LUZP2: variants seen among roughly 807,000 people sequenced by gnomAD.
The protein encoded by LUZP2 is leucine zipper protein 2.
A neutral mutation model predicts 51.6 loss-of-function variants in LUZP2; 52 were observed. That is an observed-to-expected ratio of 1.01 (90% CI 0.81 to 1.27). LUZP2 has a LOEUF of 1.27. Ranked by LOEUF, LUZP2 falls within the 50% of genes most tolerant of loss-of-function variation. The probability of loss-of-function intolerance (pLI) is 0.00; values close to 1 mark genes in which losing one functional copy is unlikely to be tolerated. For missense variants in LUZP2, 436 were observed against 395.4 expected (o/e 1.10, Z -0.87); for synonymous variants, 154 against 137.3 (o/e 1.12, Z -0.85).
At chr11:24,587,245 CAG>C (rs1270670138) in intron 1 of LUZP2, among the ~76,000 whole-genome samples, 1 of 152,110 alleles carries the variant, frequency 6.6e-6, no homozygotes, top group Non-Finnish European at 1.5e-5. Flanking sequence ...TTCCCAGTAA[CAG>C]GACCCAGAAA....
intron 1 of LUZP2, among the ~76,000 whole-genome samples, chr11:24,633,681 T>C (rs1854968467): frequency 1.3e-5 from 2 of 151,956 alleles, no homozygotes; most frequent in African/African-American, 2.4e-5. Flanking sequence ...AAATATACAT[T>C]GTTAATGTTG....
At chr11:25,019,921 C>G (rs1302231264) in intron 9 of LUZP2, among the ~76,000 whole-genome samples, 1 of 148,506 alleles carries the variant, frequency 6.7e-6, no homozygotes, top group Non-Finnish European at 1.5e-5. Context: ...GATGTAGTGT[C>G]ATATACTTTA....
intron 1 of LUZP2, among the ~76,000 whole-genome samples, chr11:24,617,085 C>T (rs1326487080): frequency 6.6e-6 from 1 of 152,126 alleles, no homozygotes; most frequent in Non-Finnish European, 1.5e-5. Flanking sequence ...CTTGTTAAAA[C>T]AGAGGTAGTA....
chr11:24,630,826 A>C (rs532509659), intron 1 of LUZP2, among the ~76,000 whole-genome samples: 1 of 151,838 alleles, frequency 6.6e-6, no homozygotes, highest in Admixed American at 6.6e-5. Context: ...CTTCTGATCT[A>C]TGAGCATGGG....
intron 5 of LUZP2, among the ~76,000 whole-genome samples, chr11:24,791,271 A>G (rs137999789): frequency 6.6e-6 from 1 of 152,312 alleles, no homozygotes; most frequent in African/African-American, 2.4e-5. Context: ...ATTATTGTTA[A>G]TATTAGTTGA....
chr11:25,030,982 AATACAATATATAT>A (rs1565255109), intron 9 of LUZP2, among the ~76,000 whole-genome samples: 66 of 2,002 alleles, frequency 0.033, 9 homozygotes, highest in African/African-American at 0.053. Context: ...ATATATATAT[AATACAATATATAT>A]TATATATATA....
chr11:24,893,757 T>A (rs981430949), intron 5 of LUZP2, among the ~76,000 whole-genome samples: 3 of 121,220 alleles, frequency 2.5e-5, no homozygotes, highest in African/African-American at 9.5e-5. Flanking sequence ...CACAAACACA[T>A]GCACAAATAC....
intron 5 of LUZP2, among the ~76,000 whole-genome samples, chr11:24,801,873 A>G (rs1292929959): frequency 2.0e-5 from 3 of 150,788 alleles, no homozygotes; most frequent in South Asian, 2.1e-4. Flanking sequence ...AACAGTTATG[A>G]GCTTGTTCTG....
intron 5 of LUZP2, among the ~76,000 whole-genome samples, chr11:24,806,004 G>A (rs12363931): frequency 1.3e-5 from 2 of 152,198 alleles, no homozygotes; most frequent in Admixed American, 6.5e-5. Flanking sequence ...AAGAAATGTA[G>A]GAGCTAGATG....
chr11:24,588,373 G>A (rs1853144066), intron 1 of LUZP2, among the ~76,000 whole-genome samples: 1 of 152,064 alleles, frequency 6.6e-6, no homozygotes, highest in South Asian at 2.1e-4. Flanking sequence ...ACAATGCATG[G>A]GCTGAGTGGT....
intron 9 of LUZP2, among the ~76,000 whole-genome samples, chr11:25,013,996 G>C (rs577629773): frequency 2.0e-5 from 3 of 152,008 alleles, no homozygotes; most frequent in African/African-American, 7.2e-5. Flanking sequence ...GAGAACATGT[G>C]GTGTTTGGTT....
chr11:24,734,486 A>G (rs1158344102), intron 3 of LUZP2, among the ~76,000 whole-genome samples: 2 of 151,886 alleles, frequency 1.3e-5, no homozygotes, highest in African/African-American at 4.8e-5. Flanking sequence ...AAAATGGAGA[A>G]TATTTTGGTC....
At chr11:24,498,943 A>G (rs7952535) in intron 1 of LUZP2, among the ~76,000 whole-genome samples, 11,293 of 152,298 alleles carry the variant, frequency 0.074, 490 homozygotes, top group African/African-American at 0.12. Context: ...GGATACTATA[A>G]TTAAATTGAA....
At chr11:24,537,217 T>A (rs1314886707) in intron 1 of LUZP2, among the ~76,000 whole-genome samples, 1 of 151,946 alleles carries the variant, frequency 6.6e-6, no homozygotes, top group Non-Finnish European at 1.5e-5. Flanking sequence ...GAGCCTATAC[T>A]GTTAGTAAAA....
rs558824083 is a variant in LUZP2 at position 24,749,578 on chromosome 11, G to A, written c.333+11276G>A. 2.0e-5 allele frequency among the ~76,000 whole-genome samples: 3 copies of A among 152,272 alleles called. No individual in the cohort carries two copies. In the East Asian group the frequency reaches 5.8e-4, roughly 29 times the overall value. ...TGTCAGCACAGCTGGACCAAAGCAGGCAGAAGAAGGTAGGATAAGCTGGTT... is the reference window on the plus strand; with the variant it reads ...TGTCAGCACAGCTGGACCAAAGCAGACAGAAGAAGGTAGGATAAGCTGGTT... On this transcript the variant is annotated intron_variant, in intron 4 of 11. Coordinates refer to ENST00000336930, the MANE Select transcript of LUZP2 (RefSeq NM_001009909.4).
intron 1 of LUZP2, among the ~76,000 whole-genome samples, chr11:24,658,367 G>C (rs530860779): frequency 1.8e-3 from 277 of 152,300 alleles, no homozygotes; most frequent in Middle Eastern, 3.4e-3. Context: ...AAACTGGCTA[G>C]CCATATGGAG....
intron 1 of LUZP2, among the ~76,000 whole-genome samples, chr11:24,514,233 T>C (rs1234501743): frequency 6.6e-6 from 1 of 152,182 alleles, no homozygotes; most frequent in Non-Finnish European, 1.5e-5. Flanking sequence ...TGTTTTCTTT[T>C]CTGGCAATTA....
At chr11:24,641,333 C>T (rs1279373432) in intron 1 of LUZP2, among the ~76,000 whole-genome samples, 1 of 151,778 alleles carries the variant, frequency 6.6e-6, no homozygotes, top group Non-Finnish European at 1.5e-5. Context: ...ATATTTTTAA[C>T]AATCTGAATG....
chr11:24,908,756 TTC>T (rs1414530190), intron 6 of LUZP2, among the ~76,000 whole-genome samples: 1 of 150,298 alleles, frequency 6.7e-6, no homozygotes, highest in African/African-American at 2.4e-5. Context: ...TTTGTTTTTT[TTC>T]TTTTTTTTTT....
Sources: allele counts gnomAD v4.1 joint callset (sites outside exome capture counted in the v4.1 genomes callset), GRCh38; gene constraint gnomAD v4.1.1; transcripts MANE v1.5; gene names NCBI Gene and HGNC (gene_info 2026-07-23, HGNC 2026-07-21).